KLHL30: variants seen among roughly 807,000 people sequenced by gnomAD.
KLHL30 encodes the protein kelch-like protein 30.
A neutral mutation model predicts 55.0 loss-of-function variants in KLHL30; 55 were observed. The observed-to-expected ratio is 1.00, with a 90% CI of 0.80 to 1.25. The LOEUF (loss-of-function observed/expected upper bound fraction) is 1.25. Ranked by LOEUF, KLHL30 falls within the 50% of genes most tolerant of loss-of-function variation. KLHL30 has a pLI of 0.00. For missense variants in KLHL30, 786 were observed against 811.6 expected, an observed-to-expected ratio of 0.97 and a Z score of 0.38; for synonymous variants, 356 against 372.6, an observed-to-expected ratio of 0.96 and a Z score of 0.51.
At chr2:238,144,331 T>C (rs1000022282) in intron 3 of KLHL30, among the ~76,000 whole-genome samples, 1 of 149,866 alleles carries the variant, frequency 6.7e-6, no homozygotes, top group African/African-American at 2.4e-5. Flanking sequence ...CCTGATCCCC[T>C]GTATGTGCCT....
Position 238,151,296 on chromosome 2 carries a change from G to A in KLHL30, c.*231G>A, listed in dbSNP as rs1320792194. ...AGTGACAAGGGCCTGAGTGCCAGAC[G>A]CTGGCATAACAGGGACAGGAAGCTC... On this transcript the variant is annotated 3_prime_UTR_variant, in exon 8 of 8. Transcript: ENST00000409223. 6.5e-6 allele frequency: 4 copies of A among 615,004 alleles called. No individual in the cohort carries two copies. The highest frequency in any genetic ancestry group is 2.8e-5 in the East Asian group (1 of 35,364). The allele number at this position is 615,004 out of a possible 1,614,324, so 38.1% of individuals were successfully genotyped here.
intron 7 of KLHL30, among the ~76,000 whole-genome samples, chr2:238,150,162 C>T (rs1184430006): frequency 1.3e-5 from 2 of 152,202 alleles, no homozygotes; most frequent in Non-Finnish European, 2.9e-5. Context: ...GGCCTTCCTC[C>T]AGCCCAGGCC....
In KLHL30 at chr2:238,148,157, G is replaced by A. The variant is rs13393156; in HGVS notation, c.1339+135G>A. 3.0e-3 allele frequency: 2,482 copies of A among 834,150 alleles called. 28 individuals carry two copies. The African/African-American group carries it at 0.032, about 11-fold the overall frequency. The allele number at this position is 834,150 out of a possible 1,614,324, so 51.7% of individuals were successfully genotyped here. A position where few individuals can be genotyped will look rare whatever the true frequency, so the allele number is the denominator to read the frequency against. On this transcript the variant is annotated intron_variant, in intron 6 of 7. Transcript: ENST00000409223. ...GGGGTGGAGAGAGCCGGCGGCCGCA[G>A]GCCTCTCACAAAGAGGAGGGGATGT... is the stretch of plus-strand genomic sequence containing the variant.
intron 7 of KLHL30, among the ~76,000 whole-genome samples, chr2:238,150,302 T>C (rs1243510486): frequency 6.6e-6 from 1 of 152,166 alleles, no homozygotes; most frequent in African/African-American, 2.4e-5. Context: ...GCCCGGGCTC[T>C]TCCTGAAGCC....
Position 238,150,824 on chromosome 2 carries a change from A to C in KLHL30, c.1496A>C (p.Gln499Pro). Residue 499 changes from glutamine (Q) to proline (P), a missense_variant, in exon 8 of 8, where the codon CAG (glutamine) becomes CCG (proline). Transcript: ENST00000409223. ...GCTGACCGTGCACAGGTGCAGTCAC[A>C]GCACAGCCTGCATGAGAATGGCGCG... ...GANLWQKVQS[Q>P]HSLHENGALV... The C allele has an allele frequency of 6.3e-7, 1 of 1,585,294 alleles. No individual in the cohort carries two copies. The highest frequency in any genetic ancestry group is 1.3e-5 in the African/African-American group (1 of 74,418).
rs35755153 is a variant in KLHL30, at chr2:238,147,574, C to A, written c.1151-260C>A. On this transcript the variant is annotated intron_variant, in intron 5 of 7. Coordinates refer to ENST00000409223, the MANE Select transcript of KLHL30 (RefSeq NM_198582.4). This position sits in a 1 kb window ranked among gnomAD's most constrained non-coding sequence, Gnocchi z 5.8. ...GCCTCCTGACAGCTCCCCGCCACCCCGTTCCCAAACATCAGCCCCAGCTCG... is the reference window on the plus strand; with the variant it reads ...GCCTCCTGACAGCTCCCCGCCACCCAGTTCCCAAACATCAGCCCCAGCTCG... Among the ~76,000 whole-genome samples, 1 of 152,140 alleles carries A rather than the reference C, an allele frequency of 6.6e-6. No individual in the cohort carries two copies. The highest frequency in any genetic ancestry group is 1.5e-5 in the Non-Finnish European group (1 of 67,992).
At chr2:238,148,075 C>T (rs540062388) in intron 6 of KLHL30, 53 bp downstream of exon 6, 54 of 1,321,164 alleles carry the variant, frequency 4.1e-5, no homozygotes, top group African/African-American at 3.7e-4. Context: ...CTCTGACAGG[C>T]GACAGTCCGC....
chr2:238,150,568 G>A lies in KLHL30; in HGVS notation c.1486-246G>A, dbSNP rs901204654. Among the ~76,000 whole-genome samples the A allele has an allele frequency of 3.9e-5, 6 of 152,168 alleles. 1 individual carries two copies. Among genetic ancestry groups the A allele is most frequent in the Non-Finnish European group, 5.9e-5 (4 of 68,032 alleles). On this transcript the variant is annotated intron_variant, in intron 7 of 7. Coordinates refer to ENST00000409223, the MANE Select transcript of KLHL30 (RefSeq NM_198582.4). ...CTCAGGGCCCCCTCTGACTGCAGGG[G>A]TTGGAAGTGTCATCCCAAGGGCTGA...
In KLHL30 at chr2:238,151,378, T is replaced by G; in HGVS notation, c.*313T>G. On this transcript the variant is annotated 3_prime_UTR_variant, in exon 8 of 8. Transcript: ENST00000409223. ...AGGGGAGCCGGGGGCCGGGCCAGCA[T>G]TCCCAGAGCTTGCGAGCCCCACTCC... The G allele has an allele frequency of 2.3e-6, 1 of 440,168 alleles. No homozygotes were observed. Among genetic ancestry groups the G allele is most frequent in the Non-Finnish European group, 4.1e-6 (1 of 242,474 alleles). 27.3% of individuals were successfully genotyped at this position (440,168 alleles called of 1,614,324 possible). A position where few individuals can be genotyped will look rare whatever the true frequency, so the allele number is the denominator to read the frequency against.
rs140277517 is a variant in KLHL30, at chr2:238,144,412, A to C, written c.908-490A>C. 8.8e-3 allele frequency among the ~76,000 whole-genome samples: 1,014 copies of C among 115,056 alleles called. 8 individuals are homozygous for C. The highest frequency in any genetic ancestry group is 0.031 in the African/African-American group (810 of 26,414). The allele number at this position is 115,056 out of a possible 152,430, so 75.5% of individuals were successfully genotyped here. A position where few individuals can be genotyped will look rare whatever the true frequency, so the allele number is the denominator to read the frequency against. On this transcript the variant is annotated intron_variant, in intron 3 of 7. Transcript: ENST00000409223. ...GAAGGAAGGAAGGAAGGAAGGAAGG[A>C]AGGAAGGAAGGAAGGAAGGAAGGCA...
In KLHL30 at chr2:238,142,900, T is replaced by A; in HGVS notation, c.876T>A (p.Leu292=). The A allele has an allele frequency of 6.7e-7, 1 of 1,503,550 alleles. No individual in the cohort carries two copies. The allele number at this position is 1,503,550 out of a possible 1,614,324, so 93.1% of individuals were successfully genotyped here. Residue 292 remains leucine (L), a synonymous_variant, in exon 3 of 8, where the codon CTT becomes CTA. Coordinates refer to ENST00000409223, the MANE Select transcript of KLHL30 (RefSeq NM_198582.4). Reference sequence around the variant, plus strand: ...CAGGTGAGGAGCCCACCCCCGGCCTTGGGAACTTTGCCTTCTACAACAGCA... The same window carrying A: ...CAGGTGAGGAGCCCACCCCCGGCCTAGGGAACTTTGCCTTCTACAACAGCA... The part of the protein sequence containing the change: ...EEAGEEPTPG[L]GNFAFYNSKA...
rs866632289 is a variant in KLHL30 at position 238,147,735 on chromosome 2, C to T, written c.1151-99C>T. ...TCTGTGAAATGGGGAGCCCACCCCA[C>T]CTCCCACCACTTTGCTGCCTTACAA... On this transcript the variant is annotated intron_variant, in intron 5 of 7. Coordinates refer to ENST00000409223, the MANE Select transcript of KLHL30 (RefSeq NM_198582.4). This position sits in a 1 kb window ranked among gnomAD's most constrained non-coding sequence, Gnocchi z 5.8. 2 of 710,272 alleles carry T rather than the reference C, an allele frequency of 2.8e-6. No individual in the cohort carries two copies. Among genetic ancestry groups the T allele is most frequent in the Non-Finnish European group, 2.1e-6 (1 of 482,950 alleles). 44.0% of individuals were successfully genotyped at this position (710,272 alleles called of 1,614,324 possible). A position where few individuals can be genotyped will look rare whatever the true frequency, so the allele number is the denominator to read the frequency against.
At chr2:238,143,053 C>T in intron 3 of KLHL30, 122 bp downstream of exon 3, 1 of 1,228,218 alleles carries the variant, frequency 8.1e-7, no homozygotes. Context: ...TGTGAGGCCC[C>T]TGTGAGGGGC....
intron 5 of KLHL30, among the ~76,000 whole-genome samples, chr2:238,146,343 A>G (rs765622245): frequency 1.3e-5 from 2 of 150,980 alleles, no homozygotes; most frequent in Non-Finnish European, 3.0e-5. Context: ...GTTTGAGACT[A>G]GCCTGGGCAA....
chr2:238,140,655 C>T (rs1692513795), intron 1 of KLHL30, 30 bp from the exon 2 acceptor site: 2 of 1,313,120 alleles, frequency 1.5e-6, no homozygotes, highest in East Asian at 2.6e-5. Flanking sequence ...ACCATCCCCA[C>T]TTGGCTGACC....
chr2:238,143,498 A>G (rs888556513), intron 3 of KLHL30, among the ~76,000 whole-genome samples: 1 of 152,238 alleles, frequency 6.6e-6, no homozygotes, highest in Non-Finnish European at 1.5e-5. Flanking sequence ...GGAGCCCTGA[A>G]GTGGGCACTG....
At position 238,145,837 on chromosome 2, in the gene KLHL30, G is replaced by C; in HGVS notation, c.1150+5G>C. 5.7e-6 allele frequency: 9 copies of C among 1,590,858 alleles called. No homozygotes were observed. Among genetic ancestry groups the C allele is most frequent in the Non-Finnish European group, 7.7e-6 (9 of 1,167,292 alleles). On this transcript the variant is annotated splice_donor_5th_base_variant and intron_variant, in intron 5 of 7. Transcript: ENST00000409223. Reference sequence around the variant, plus strand: ...GGGAGATCTACGTTATCGGCGGTGAGGCCTTCCTCTCCACCCTTCCCTGGG... The same window carrying C: ...GGGAGATCTACGTTATCGGCGGTGACGCCTTCCTCTCCACCCTTCCCTGGG...
Position 238,148,329 on chromosome 2 carries a change from C to T in KLHL30, c.1339+307C>T, listed in dbSNP as rs562280412. Among the ~76,000 whole-genome samples, 431 of 152,250 alleles carry T rather than the reference C, an allele frequency of 2.8e-3. 2 individuals are homozygous for T. The highest frequency in any genetic ancestry group is 5.0e-3 in the Non-Finnish European group (338 of 68,000). On this transcript the variant is annotated intron_variant, in intron 6 of 7. Transcript: ENST00000409223. ...GGGGTGGGGGTGGGGTGCCAGTGAT[C>T]TGAGCCCAGCACCTGGCAGCTGCCT...
In KLHL30 at chr2:238,142,948, C is replaced by T. The variant is rs1490385160; in HGVS notation, c.907+17C>T. ...GCAAGGCCAGTGAGTACCCCTCCCG[C>T]GTCCAGACCCACCTGCTGTCTCTCT... On this transcript the variant is annotated intron_variant, in intron 3 of 7. Coordinates refer to ENST00000409223, the MANE Select transcript of KLHL30 (RefSeq NM_198582.4). 3 of 1,503,630 alleles carry T rather than the reference C, an allele frequency of 2.0e-6. No individual in the cohort carries two copies. The highest frequency in any genetic ancestry group is 1.8e-6 in the Non-Finnish European group (2 of 1,139,824). 93.1% of individuals were successfully genotyped at this position (1,503,630 alleles called of 1,614,324 possible).
Sources: allele counts gnomAD v4.1 joint callset (sites outside exome capture counted in the v4.1 genomes callset), GRCh38; gene constraint gnomAD v4.1.1; non-coding constraint Gnocchi (gnomAD v3.1); transcripts MANE v1.5; gene names NCBI Gene and HGNC (gene_info 2026-07-23, HGNC 2026-07-21).